Variants in UBR2 observed in about 807,000 individuals in gnomAD.
The protein encoded by UBR2 is ubiquitin protein ligase E3 component n-recognin 2.
In UBR2, 92 loss-of-function variants were observed where a neutral mutation model predicts 247.9. The observed-to-expected ratio is 0.37, with a 90% CI of 0.31 to 0.44. UBR2 has a LOEUF of 0.44. Among genes scored for constraint, UBR2 ranks in the 20% least tolerant of loss-of-function variants. The pLI, the probability that UBR2 is intolerant of heterozygous loss-of-function variation, is 1.00. For missense variants in UBR2, 1,613 were observed against 2,112.6 expected, an observed-to-expected ratio of 0.76 and a Z score of 4.64; for synonymous variants, 672 against 693.5, an observed-to-expected ratio of 0.97 and a Z score of 0.49.
intron 2 of UBR2, among the ~76,000 whole-genome samples, chr6:42,583,816 G>A (rs1351991120): frequency 3.3e-5 from 5 of 151,490 alleles, no homozygotes; most frequent in South Asian, 4.2e-4. Context: ...GAGCCACCGC[G>A]CCCGGCCTCT....
At chr6:42,588,683 A>G (rs2151914841) in intron 2 of UBR2, among the ~76,000 whole-genome samples, 1 of 152,192 alleles carries the variant, frequency 6.6e-6, no homozygotes, top group Non-Finnish European at 1.5e-5. Context: ...CAACAACAAC[A>G]ACAAAAAGTT....
intron 11 of UBR2, among the ~76,000 whole-genome samples, chr6:42,627,764 A>G (rs1795446511): frequency 6.6e-6 from 1 of 151,738 alleles, no homozygotes; most frequent in African/African-American, 2.4e-5. Flanking sequence ...CTCCCACCCC[A>G]GCCTCCCAAA....
chr6:42,662,521 T>G (rs1797875023), intron 31 of UBR2, among the ~76,000 whole-genome samples: 1 of 152,208 alleles, frequency 6.6e-6, no homozygotes, highest in Non-Finnish European at 1.5e-5. Flanking sequence ...AGGAAGTGGA[T>G]CTGTATCAGT....
At chr6:42,676,302 CT>C in intron 39 of UBR2, 111 bp downstream of exon 39, 1 of 1,165,716 alleles carries the variant, frequency 8.6e-7, no homozygotes. Flanking sequence ...ATGAATAAGG[CT>C]GTTTTTTTCT....
intron 4 of UBR2, among the ~76,000 whole-genome samples, chr6:42,596,604 A>G (rs763146092): frequency 1.3e-5 from 2 of 152,218 alleles, no homozygotes. Context: ...GAATGAATGG[A>G]TAAACAAATT....
At chr6:42,633,817 G>A (rs979338268) in intron 13 of UBR2, among the ~76,000 whole-genome samples, 7 of 152,110 alleles carry the variant, frequency 4.6e-5, no homozygotes, top group Admixed American at 2.0e-4. Flanking sequence ...TGCAACCTCC[G>A]CCTCCTGGGT....
intron 4 of UBR2, among the ~76,000 whole-genome samples, chr6:42,598,681 C>A (rs1191782875): frequency 1.3e-5 from 2 of 152,138 alleles, no homozygotes; most frequent in Non-Finnish European, 2.9e-5. Flanking sequence ...TAAGGAATTT[C>A]TCTTAGGTCT....
At chr6:42,573,419 A>C (rs1248017560) in intron 1 of UBR2, among the ~76,000 whole-genome samples, 1 of 152,168 alleles carries the variant, frequency 6.6e-6, no homozygotes, top group African/African-American at 2.4e-5. Flanking sequence ...AGGTGAGCTC[A>C]ATGGTTCATA....
At chr6:42,643,718 A>G (rs1796580373) in intron 18 of UBR2, among the ~76,000 whole-genome samples, 1 of 152,262 alleles carries the variant, frequency 6.6e-6, no homozygotes, top group African/African-American at 2.4e-5. Flanking sequence ...TGAAACTAAT[A>G]TTTAAAAGCT....
chr6:42,602,027 C>A (rs1194436874), intron 4 of UBR2, among the ~76,000 whole-genome samples: 3 of 93,396 alleles, frequency 3.2e-5, no homozygotes, highest in Non-Finnish European at 7.1e-5. Flanking sequence ...CACCACCACA[C>A]TCAACTAACT....
intron 13 of UBR2, 55 bp downstream of exon 13, chr6:42,632,959 T>TC (rs377429033): frequency 0.31 from 137,430 of 442,050 alleles, 5,419 homozygotes; most frequent in African/African-American, 0.37. Flanking sequence ...CTCTTTTCTC[T>TC]TTTTTTTTTT....
At chr6:42,690,649 C>G (rs1035451540) in intron 46 of UBR2, among the ~76,000 whole-genome samples, 1 of 151,928 alleles carries the variant, frequency 6.6e-6, no homozygotes, top group African/African-American at 2.4e-5. Flanking sequence ...AATATTTTTA[C>G]TCCTATAATT....
rs767181697 is a variant in UBR2, at chr6:42,684,790, T to C, written c.4776-4T>C. On this transcript the variant is annotated splice_region_variant and splice_polypyrimidine_tract_variant and intron_variant, in intron 43 of 46. Coordinates refer to ENST00000372901, the MANE Select transcript of UBR2 (RefSeq NM_001363705.2). ...GTGTTCTTTAATTTTTCTCTTTTTT[T>C]CAGATATCCAAGAGAATCTAACAAA... is the stretch of plus-strand genomic sequence containing the variant. The C allele has an allele frequency of 6.2e-7, 1 of 1,602,362 alleles. No homozygotes were observed. Among genetic ancestry groups the C allele is most frequent in the South Asian group, 1.1e-5 (1 of 89,350 alleles).
intron 33 of UBR2, among the ~76,000 whole-genome samples, chr6:42,665,875 C>T (rs537043287): frequency 2.4e-4 from 37 of 152,070 alleles, no homozygotes; most frequent in Non-Finnish European, 3.4e-4. Context: ...ATGCACTGCA[C>T]TTATGACCTT....
chr6:42,659,928 G>A lies in UBR2; in HGVS notation c.3442+73G>A. 1 of 1,464,226 alleles carries A rather than the reference G, an allele frequency of 6.8e-7. No individual in the cohort carries two copies. The highest frequency in any genetic ancestry group is 9.4e-7 in the Non-Finnish European group (1 of 1,061,914). The allele number at this position is 1,464,226 out of a possible 1,614,324, so 90.7% of individuals were successfully genotyped here. On this transcript the variant is annotated intron_variant, in intron 30 of 46. Transcript: ENST00000372901. The surrounding 1 kb of genome is among the most constrained non-coding windows in gnomAD (Gnocchi z 4.3). The stretch of plus-strand genomic sequence containing the variant: ...GTTAATGTGGTTGGTGATACGTTGA[G>A]ATTTTTTAAACCTAAAAATAACTCC...
At position 42,666,238 on chromosome 6, in the gene UBR2, C is replaced by T. The variant is rs376653677; in HGVS notation, c.3874C>T (p.Arg1292Cys). The part of the protein sequence containing the change: ...QLPEGFRPDF[R>C]PKIPYSESIK... ...CCCTGAAGGGTTCAGGCCTGATTTT[C>T]GTCCTAAGTGAGTATATTATTTTAC... Residue 1292 changes from arginine to cysteine, a missense_variant, in exon 34 of 47, where the codon CGT becomes TGT. By Grantham distance (180) the Arg-to-Cys change is radical. Around this residue, in one of 3 missense-constraint regions of UBR2, gnomAD observed 1,524 missense variants for 1,967.3 expected, o/e 0.77. Coordinates refer to ENST00000372901, the MANE Select transcript of UBR2 (RefSeq NM_001363705.2). 8.1e-6 allele frequency: 13 copies of T among 1,609,226 alleles called. No homozygotes were observed. Among genetic ancestry groups the T allele is most frequent in the African/African-American group, 6.7e-5 (5 of 74,686 alleles).
intron 34 of UBR2, among the ~76,000 whole-genome samples, chr6:42,668,705 G>A (rs1373162969): frequency 6.6e-6 from 1 of 152,016 alleles, no homozygotes; most frequent in Admixed American, 6.6e-5. Flanking sequence ...GCCTCCCAAA[G>A]TGCTGCAATT....
chr6:42,679,924 AC>A, intron 42 of UBR2, 92 bp downstream of exon 42: 1 of 761,846 alleles, frequency 1.3e-6, no homozygotes, highest in Non-Finnish European at 2.1e-6. Flanking sequence ...TCAAGTAATG[AC>A]CCTGGTAGAA....
At chr6:42,612,852 G>A (rs961557261) in intron 8 of UBR2, among the ~76,000 whole-genome samples, 1 of 152,192 alleles carries the variant, frequency 6.6e-6, no homozygotes, top group Admixed American at 6.5e-5. Flanking sequence ...TGTAATCCTA[G>A]CACTTTGGGA....
Sources: allele counts gnomAD v4.1 joint callset (sites outside exome capture counted in the v4.1 genomes callset), GRCh38; gene constraint gnomAD v4.1.1; regional missense constraint gnomAD v4.1.1; non-coding constraint Gnocchi (gnomAD v3.1); transcripts MANE v1.5; gene names NCBI Gene and HGNC (gene_info 2026-07-23, HGNC 2026-07-21).